The following COPG1 variants were observed in gnomAD, a reference collection of about 807,000 sequenced individuals.
The protein encoded by COPG1 is coatomer subunit gamma-1.
COPG1 carries 29 observed loss-of-function variants against 102.8 expected under a neutral mutation model. That is an observed-to-expected ratio of 0.28 (90% CI 0.21 to 0.38). The LOEUF (loss-of-function observed/expected upper bound fraction) is 0.38, where lower values mean the gene tolerates loss of function less well. Among genes scored for constraint, COPG1 ranks in the 10% least tolerant of loss-of-function variants. COPG1 has a pLI of 1.00. For missense variants in COPG1, 875 were observed against 1,132.7 expected, an observed-to-expected ratio of 0.77 and a Z score of 3.27; for synonymous variants, 406 against 421.6, an observed-to-expected ratio of 0.96 and a Z score of 0.45.
chr3:129,254,919 C>T, intron 6 of COPG1, 66 bp from the exon 7 acceptor site: 1 of 1,374,242 alleles, frequency 7.3e-7, no homozygotes. Flanking sequence ...TGCCCCCATT[C>T]CTGCACTCCT....
At position 129,268,386 on chromosome 3, in the gene COPG1, G is replaced by T. The variant is rs1940111364; in HGVS notation, c.1649-109G>T. On this transcript the variant is annotated intron_variant, in intron 16 of 23. Transcript: ENST00000314797. ...TTAGAGAATAAAGTGATTTTCTCAG[G>T]GTCATACTACTTAGGACTTGTAACT... 2.8e-6 allele frequency: 3 copies of T among 1,086,308 alleles called. No homozygotes were observed. In the South Asian group the frequency reaches 4.6e-5, roughly 17 times the overall value. The allele number at this position is 1,086,308 out of a possible 1,614,324, so 67.3% of individuals were successfully genotyped here. A position where few individuals can be genotyped will look rare whatever the true frequency, so the allele number is the denominator to read the frequency against.
intron 23 of COPG1, among the ~76,000 whole-genome samples, chr3:129,276,500 T>A (rs1256266022): frequency 2.0e-5 from 3 of 152,206 alleles, no homozygotes; most frequent in Non-Finnish European, 4.4e-5. Context: ...ATGGGATGAT[T>A]TTTTTTGGCT....
rs1560061639 is a variant in COPG1 at position 129,252,620 on chromosome 3, C to T, written c.172-3C>T. The T allele has an allele frequency of 2.5e-6, 4 of 1,613,242 alleles. No individual in the cohort carries two copies. The highest frequency in any genetic ancestry group is 2.2e-5 in the South Asian group (2 of 91,076). On this transcript the variant is annotated splice_region_variant and splice_polypyrimidine_tract_variant and intron_variant, in intron 3 of 23. Coordinates refer to ENST00000314797, the MANE Select transcript of COPG1 (RefSeq NM_016128.4). ...GCTGAGACTTCTTTCTTGATTAACA[C>T]AGGGGGAGCACCTGGGGACCACGGA...
Position 129,271,056 on chromosome 3 carries a change from G to C in COPG1, c.1844-711G>C, listed in dbSNP as rs1001777091. On this transcript the variant is annotated intron_variant, in intron 18 of 23. Transcript: ENST00000314797. The surrounding 1 kb of genome is among the most constrained non-coding windows in gnomAD (Gnocchi z 4.7). ...TGCGAGGAATCCTGCCATAGAATAG[G>C]TACAAGAGTGGCAGCTGTAGCCATT... is the stretch of plus-strand genomic sequence containing the variant. Among the ~76,000 whole-genome samples, 4 of 152,164 alleles carry C rather than the reference G, an allele frequency of 2.6e-5. No individual in the cohort carries two copies. The highest frequency in any genetic ancestry group is 5.9e-5 in the Non-Finnish European group (4 of 68,034).
At chr3:129,274,451 T>C (rs1315819215) in intron 21 of COPG1, among the ~76,000 whole-genome samples, 3 of 152,190 alleles carry the variant, frequency 2.0e-5, no homozygotes, top group African/African-American at 7.2e-5. Context: ...CTGCTGGTCC[T>C]GAAGAGCTCA....
chr3:129,277,332 C>G lies in COPG1; in HGVS notation c.2533C>G (p.Arg845Gly). 6.2e-7 allele frequency: 1 copy of G among 1,613,996 alleles called. No homozygotes were observed. The highest frequency in any genetic ancestry group is 8.5e-7 in the Non-Finnish European group (1 of 1,179,990). The change falls in exon 24 of 24, where the codon CGG (arginine) becomes GGG (glycine). Residue 845 changes from arginine to glycine, a missense_variant. Physicochemically the swap from Arg to Gly is moderately radical, Grantham distance 125. Transcript: ENST00000314797. ...TGGTCATGACATCCTGGTGCGCTCC[C>G]GGCTGCTGCTTTTGGACACAGTGAC... Reference protein sequence around the residue: ...RGGHDILVRSRLLLLDTVTMQ... With the variant: ...RGGHDILVRSGLLLLDTVTMQ...
intron 12 of COPG1, 75 bp from the exon 13 acceptor site, chr3:129,263,829 A>C (rs1330907806): frequency 2.4e-6 from 3 of 1,267,542 alleles, no homozygotes; most frequent in Admixed American, 1.7e-5. Flanking sequence ...GGAAGGACTC[A>C]GTGGGCACTC....
intron 13 of COPG1, among the ~76,000 whole-genome samples, 173 bp downstream of exon 13, chr3:129,264,172 T>C (rs567463274): frequency 5.3e-5 from 8 of 152,306 alleles, no homozygotes; most frequent in Admixed American, 5.2e-4. Context: ...ACGTACCAAT[T>C]GCTAGTAATT....
At position 129,250,695 on chromosome 3, in the gene COPG1, C is replaced by T. The variant is rs760769785; in HGVS notation, c.51C>T (p.Asn17=). The T allele has an allele frequency of 1.9e-6, 3 of 1,613,932 alleles. No homozygotes were observed. The African/African-American group carries it at 4.0e-5, about 22-fold the overall frequency. The part of the protein sequence containing the change: ...KKDEESGGGS[N]PFQHLEKSAV... ...CCTTGACCGTAGGTGGAGGCTCCAACCCATTCCAGCACCTTGAGAAGAGTG... is the reference window on the plus strand; with the variant it reads ...CCTTGACCGTAGGTGGAGGCTCCAATCCATTCCAGCACCTTGAGAAGAGTG... The change falls in exon 2 of 24, where the codon AAC becomes AAT. Residue 17 remains asparagine (N), a synonymous_variant. Transcript: ENST00000314797.
At chr3:129,264,064 C>A in intron 13 of COPG1, 65 bp downstream of exon 13, 1 of 1,325,346 alleles carries the variant, frequency 7.5e-7, no homozygotes, top group Non-Finnish European at 1.1e-6. Flanking sequence ...TGACCACTGG[C>A]TCCATGCTCA....
At chr3:129,258,361 T>C (rs1939857944) in intron 10 of COPG1, among the ~76,000 whole-genome samples, 2 of 152,272 alleles carry the variant, frequency 1.3e-5, no homozygotes, top group Admixed American at 6.5e-5. Context: ...ATGTGGATGA[T>C]AGATCATGCC....
chr3:129,263,945 T>C lies in COPG1; in HGVS notation c.1170T>C (p.Tyr390=), dbSNP rs376990346. The change falls in exon 13 of 24, where the codon TAT becomes TAC. Residue 390 remains tyrosine, a synonymous_variant. Transcript: ENST00000314797. ...CCATCAGTGCCCTGTGTCAGAAATA[T>C]CCTCGCAAACACGCCGTCCTTATGA... ...VQAISALCQK[Y]PRKHAVLMNF... 61 of 1,614,142 alleles carry C rather than the reference T, an allele frequency of 3.8e-5. No individual in the cohort carries two copies. In the South Asian group the frequency reaches 5.8e-4, roughly 15 times the overall value.
intron 1 of COPG1, among the ~76,000 whole-genome samples, chr3:129,250,248 T>A (rs1183371550): frequency 6.6e-6 from 1 of 152,182 alleles, no homozygotes; most frequent in Non-Finnish European, 1.5e-5. Flanking sequence ...ACTCAGTGCC[T>A]GAGCTAGGAA....
intron 18 of COPG1, among the ~76,000 whole-genome samples, chr3:129,270,108 GC>G (rs1024528632): frequency 6.8e-6 from 1 of 148,058 alleles, no homozygotes; most frequent in Non-Finnish European, 1.5e-5. Flanking sequence ...GATTACACTG[GC>G]CCCCCCTGGA....
At chr3:129,276,245 T>C (rs560415281) in intron 23 of COPG1, among the ~76,000 whole-genome samples, 18 of 152,380 alleles carry the variant, frequency 1.2e-4, no homozygotes, top group East Asian at 3.9e-4. Flanking sequence ...AAGTATCTTC[T>C]TAAATGTTGA....
At chr3:129,254,530 G>T (rs868834886) in intron 5 of COPG1, 138 bp from the exon 6 acceptor site, 2 of 602,584 alleles carry the variant, frequency 3.3e-6, no homozygotes, top group Middle Eastern at 3.1e-4. Flanking sequence ...GTGGAGTTAG[G>T]CTTGGAGGGG....
intron 18 of COPG1, among the ~76,000 whole-genome samples, chr3:129,269,361 C>T (rs1302385366): frequency 1.3e-5 from 2 of 152,170 alleles, no homozygotes; most frequent in African/African-American, 4.8e-5. Flanking sequence ...TCGGGTTCCA[C>T]GTGTGTTCTG....
chr3:129,254,065 G>A (rs1276074729), intron 5 of COPG1, among the ~76,000 whole-genome samples: 7 of 151,450 alleles, frequency 4.6e-5, no homozygotes, highest in Non-Finnish European at 7.4e-5. Flanking sequence ...TTGGGAGGCC[G>A]AGGCGGGTGG....
At chr3:129,258,056 A>G (rs1178936714) in intron 10 of COPG1, among the ~76,000 whole-genome samples, 196 bp downstream of exon 10, 2 of 152,188 alleles carry the variant, frequency 1.3e-5, no homozygotes, top group African/African-American at 4.8e-5. Context: ...TGTTAGTTCC[A>G]TCTGACTGCT....
Sources: gnomAD v4.1 joint callset for allele counts (sites outside exome capture counted in the v4.1 genomes callset) on GRCh38, gnomAD v4.1.1 for gene constraint, Gnocchi (gnomAD v3.1) non-coding constraint, MANE v1.5 for transcripts, NCBI Gene and HGNC (gene_info 2026-07-23, HGNC 2026-07-21) for gene names.